RFC3: variants seen among roughly 807,000 people sequenced by gnomAD.
The protein encoded by RFC3 is A1 38 kDa subunit.
In RFC3, 41 loss-of-function variants were observed where a neutral mutation model predicts 45.1. The observed-to-expected ratio is 0.91, with a 90% confidence interval of 0.71 to 1.18. RFC3 has a LOEUF of 1.18. Ranked by LOEUF, RFC3 falls within the 50% of genes most tolerant of loss-of-function variation. The pLI, the probability that RFC3 is intolerant of heterozygous loss-of-function variation, is 0.00. For missense variants in RFC3, 423 were observed against 428.1 expected (o/e 0.99, Z 0.10); for synonymous variants, 149 against 144.0 (o/e 1.03, Z -0.25).
intron 8 of RFC3, among the ~76,000 whole-genome samples, chr13:33,870,786 T>G (rs894108551): frequency 6.6e-6 from 1 of 152,242 alleles, no homozygotes; most frequent in African/African-American, 2.4e-5. Flanking sequence ...TCTTGTATAC[T>G]AGTCAAACAG....
At chr13:33,875,078 T>G (rs2082437850) in intron 8 of RFC3, among the ~76,000 whole-genome samples, 1 of 152,262 alleles carries the variant, frequency 6.6e-6, no homozygotes, top group Non-Finnish European at 1.5e-5. Context: ...TCCATACACT[T>G]AGATCTTTTC....
downstream of RFC3, among the ~76,000 whole-genome samples, chr13:33,970,359 A>G (rs902802743): frequency 6.6e-6 from 1 of 152,118 alleles, no homozygotes; most frequent in Non-Finnish European, 1.5e-5. Context: ...GGTCGATTCC[A>G]TGTCTTTGCT....
At chr13:33,866,267 A>T (rs2082373169) in intron 8 of RFC3, among the ~76,000 whole-genome samples, 1 of 152,168 alleles carries the variant, frequency 6.6e-6, no homozygotes, top group Non-Finnish European at 1.5e-5. Context: ...GTAGGCAGAG[A>T]TGCCAATGGG....
At chr13:33,850,616 ATGAG>A (rs1291603065) in intron 8 of RFC3, 3 of 152,168 alleles carry the variant, frequency 2.0e-5, no homozygotes, top group African/African-American at 7.2e-5. Context: ...AGTTTCATAA[ATGAG>A]TGAGTACAAT....
chr13:33,833,376 AAAAC>A (rs2082121697), intron 7 of RFC3, among the ~76,000 whole-genome samples: 1 of 152,194 alleles, frequency 6.6e-6, no homozygotes, highest in Non-Finnish European at 1.5e-5. Context: ...GATTAAAAAA[AAAAC>A]CCTGACATTT....
chr13:33,969,910 GT>G (rs61104193), downstream of RFC3, among the ~76,000 whole-genome samples: 751 of 130,146 alleles, frequency 5.8e-3, 1 homozygote, highest in African/African-American at 0.013. Flanking sequence ...TGTCAGATTT[GT>G]TTTTTTTTTT....
intron 8 of RFC3, among the ~76,000 whole-genome samples, chr13:33,891,778 C>T (rs947436762): frequency 1.3e-5 from 2 of 152,076 alleles, no homozygotes; most frequent in African/African-American, 4.8e-5. Flanking sequence ...TGTATAGACA[C>T]ATAACACATA....
downstream of RFC3, among the ~76,000 whole-genome samples, chr13:33,838,202 C>T (rs1036943750): frequency 1.3e-5 from 2 of 152,072 alleles, no homozygotes; most frequent in Non-Finnish European, 2.9e-5. Context: ...TGCCCAGTTG[C>T]TTCTCTGTCT....
At chr13:33,859,167 A>AT (rs2082325141) in intron 8 of RFC3, among the ~76,000 whole-genome samples, 1 of 152,166 alleles carries the variant, frequency 6.6e-6, no homozygotes, top group Non-Finnish European at 1.5e-5. Flanking sequence ...CTTTTGCTTC[A>AT]TGTTTGCTGT....
At chr13:33,947,299 C>T (rs142185650) in intron 8 of RFC3, among the ~76,000 whole-genome samples, 3 of 152,224 alleles carry the variant, frequency 2.0e-5, no homozygotes, top group Non-Finnish European at 2.9e-5. Flanking sequence ...GGCATTTTCC[C>T]CTGCTTGCAC....
intron 2 of RFC3, among the ~76,000 whole-genome samples, chr13:33,821,676 G>C (rs2082005091): frequency 6.6e-6 from 1 of 152,186 alleles, no homozygotes; most frequent in Non-Finnish European, 1.5e-5. Flanking sequence ...GTGGGCAACT[G>C]ACTGACTGGG....
At chr13:33,846,043 TC>T (rs563405641) in intron 8 of RFC3, 9 of 152,176 alleles carry the variant, frequency 5.9e-5, no homozygotes, top group Non-Finnish European at 1.0e-4. Context: ...GCCTTGGTGG[TC>T]TTGGGTAAGA....
At chr13:33,938,208 AG>A (rs2082900554) in intron 8 of RFC3, among the ~76,000 whole-genome samples, 2 of 147,070 alleles carry the variant, frequency 1.4e-5, no homozygotes, top group East Asian at 2.0e-4. Context: ...AAAAAAAAAA[AG>A]TAAGAGTTGA....
intron 8 of RFC3, among the ~76,000 whole-genome samples, chr13:33,851,302 G>T (rs951644987): frequency 6.6e-6 from 1 of 152,118 alleles, no homozygotes; most frequent in Non-Finnish European, 1.5e-5. Context: ...AATGTCGGGG[G>T]TTGGAGCATC....
At chr13:33,818,379 T>C in intron 1 of RFC3, 114 bp downstream of exon 1, 8 of 761,286 alleles carry the variant, frequency 1.1e-5, no homozygotes, top group Non-Finnish European at 1.7e-5. Context: ...ATAAGTGCTA[T>C]GGAGAAAAAT....
chr13:33,931,221 GA>G (rs1327851135), intron 8 of RFC3, among the ~76,000 whole-genome samples: 3 of 152,132 alleles, frequency 2.0e-5, no homozygotes, highest in Non-Finnish European at 4.4e-5. Flanking sequence ...CGATGGCAAT[GA>G]AAGTACAGTT....
At chr13:33,936,279 A>T (rs931898272) in intron 8 of RFC3, among the ~76,000 whole-genome samples, 1 of 152,090 alleles carries the variant, frequency 6.6e-6, no homozygotes, top group Non-Finnish European at 1.5e-5. Context: ...TTTGGGAGAC[A>T]AGACCGTTAA....
At chr13:33,872,028 A>C (rs2082413286) in intron 8 of RFC3, among the ~76,000 whole-genome samples, 1 of 152,200 alleles carries the variant, frequency 6.6e-6, no homozygotes, top group Non-Finnish European at 1.5e-5. Context: ...ACGTTCAGAC[A>C]GGAGGTTTCA....
chr13:33,950,848 A>G (rs2082985185), intron 8 of RFC3, among the ~76,000 whole-genome samples: 1 of 151,830 alleles, frequency 6.6e-6, no homozygotes, highest in Non-Finnish European at 1.5e-5. Context: ...AGATGGTCCC[A>G]TCTCATTCAC....
Sources: gnomAD v4.1 joint callset for allele counts (sites outside exome capture counted in the v4.1 genomes callset) on GRCh38, gnomAD v4.1.1 for gene constraint, MANE v1.5 for transcripts, NCBI Gene and HGNC (gene_info 2026-07-23, HGNC 2026-07-21) for gene names.